DACH1: variants seen among roughly 807,000 people sequenced by gnomAD.
DACH1 encodes dachshund homolog 1.
DACH1 carries 12 observed loss-of-function variants against 54.2 expected under a neutral mutation model. That is an observed-to-expected ratio of 0.22 (90% CI 0.14 to 0.36). The LOEUF is 0.36. Among genes scored for constraint, DACH1 ranks in the 10% least tolerant of loss-of-function variants. The pLI is 1.00. For synonymous variants in DACH1, 386 were observed against 366.2 expected (o/e 1.05, Z -0.62); for missense variants, 805 against 929.8 (o/e 0.87, Z 1.75).
intron 1 of DACH1, among the ~76,000 whole-genome samples, chr13:71,723,491 T>C (rs1239517184): frequency 6.6e-6 from 1 of 152,124 alleles, no homozygotes; most frequent in Non-Finnish European, 1.5e-5. Flanking sequence ...TTTAAGATAT[T>C]TTATAACTTC....
intron 3 of DACH1, among the ~76,000 whole-genome samples, chr13:71,614,950 A>T (rs889449639): frequency 1.6e-4 from 25 of 152,070 alleles, no homozygotes; most frequent in African/African-American, 5.5e-4. Context: ...AAAAAAGATA[A>T]CTAAGTCTTC....
intron 1 of DACH1, among the ~76,000 whole-genome samples, chr13:71,704,939 T>G (rs1882359041): frequency 6.6e-6 from 1 of 152,088 alleles, no homozygotes. Context: ...CTAAAATCAT[T>G]TTGGAAGAAA....
chr13:71,477,833 T>G (rs890694351), intron 8 of DACH1, among the ~76,000 whole-genome samples: 1 of 152,224 alleles, frequency 6.6e-6, no homozygotes, highest in Non-Finnish European at 1.5e-5. Flanking sequence ...ACTGCTTCAA[T>G]AGGCACATTC....
chr13:71,788,163 C>T (rs907466468), intron 1 of DACH1, among the ~76,000 whole-genome samples: 5 of 152,058 alleles, frequency 3.3e-5, no homozygotes, highest in Admixed American at 6.6e-5. Context: ...CAATAAATGC[C>T]AGAATCAAAT....
intron 2 of DACH1, among the ~76,000 whole-genome samples, chr13:71,637,975 GT>G (rs1277969760): frequency 1.3e-5 from 2 of 152,028 alleles, no homozygotes; most frequent in Non-Finnish European, 2.9e-5. Flanking sequence ...ACTTCCAAAT[GT>G]TTGATATATT....
chr13:71,760,164 A>C (rs1035932945), intron 1 of DACH1, among the ~76,000 whole-genome samples: 7 of 152,184 alleles, frequency 4.6e-5, no homozygotes, highest in Non-Finnish European at 7.3e-5. Context: ...TGATTCTGAC[A>C]ACTGGAGTTC....
In DACH1 at chr13:71,814,330, C is replaced by T. The variant is rs546791419; in HGVS notation, c.848+51592G>A. On this transcript the variant is annotated intron_variant, in intron 1 of 10. Transcript: ENST00000613252. ...TAAATAAGTATAAATTGTTTACATC[C>T]ATTTACTTAGAATACTTTGTGAAAA... is the stretch of plus-strand genomic sequence containing the variant. Among the ~76,000 whole-genome samples, 13 of 152,268 alleles carry T rather than the reference C, an allele frequency of 8.5e-5. No homozygotes were observed. The South Asian group carries it at 2.7e-3, about 32-fold the overall frequency.
intron 6 of DACH1, among the ~76,000 whole-genome samples, chr13:71,507,438 T>C (rs1416504076): frequency 2.6e-5 from 4 of 152,188 alleles, no homozygotes; most frequent in Admixed American, 6.5e-5. Flanking sequence ...ATTTTTACAA[T>C]TGTTAAATTT....
chr13:71,607,680 C>T (rs891039290), intron 3 of DACH1, among the ~76,000 whole-genome samples: 1 of 151,968 alleles, frequency 6.6e-6, no homozygotes, highest in Non-Finnish European at 1.5e-5. Context: ...AAAGTGACTA[C>T]TAAGTTATGG....
intron 1 of DACH1, among the ~76,000 whole-genome samples, chr13:71,811,283 A>C (rs1233936040): frequency 6.6e-6 from 1 of 152,178 alleles, no homozygotes. Flanking sequence ...AAGCAAAATT[A>C]TCACAGTGTG....
intron 6 of DACH1, among the ~76,000 whole-genome samples, chr13:71,500,423 G>A (rs959554794): frequency 3.9e-5 from 6 of 152,108 alleles, no homozygotes; most frequent in African/African-American, 1.4e-4. Flanking sequence ...TCATTGCTAT[G>A]TGAATAAAAC....
At chr13:71,638,602 A>G (rs1033468607) in intron 2 of DACH1, among the ~76,000 whole-genome samples, 1 of 152,100 alleles carries the variant, frequency 6.6e-6, no homozygotes, top group Non-Finnish European at 1.5e-5. Context: ...GTGTATTTTT[A>G]ATTTATGAAA....
At position 71,447,801 on chromosome 13, in the gene DACH1, C is replaced by T. The variant is rs556979890; in HGVS notation, c.2084-7109G>A. ...TGAGCCAAGATTGCGCCACCACACTCCAGCCTGGAGAAAAAAAAAAAAAAA... is the reference window on the plus strand; with the variant it reads ...TGAGCCAAGATTGCGCCACCACACTTCAGCCTGGAGAAAAAAAAAAAAAAA... On this transcript the variant is annotated intron_variant, in intron 10 of 10. Coordinates refer to ENST00000613252, the MANE Select transcript of DACH1 (RefSeq NM_080759.6). Among the ~76,000 whole-genome samples the T allele has an allele frequency of 1.5e-4, 23 of 150,684 alleles. 2 individuals are homozygous for T. The South Asian group carries it at 4.6e-3, about 30-fold the overall frequency.
intron 1 of DACH1, among the ~76,000 whole-genome samples, chr13:71,752,154 A>G (rs1321714155): frequency 6.6e-6 from 1 of 152,172 alleles, no homozygotes; most frequent in East Asian, 1.9e-4. Context: ...AAACATACGG[A>G]TAACTCAATA....
chr13:71,693,921 G>C (rs1040768065), intron 1 of DACH1, among the ~76,000 whole-genome samples: 2 of 151,932 alleles, frequency 1.3e-5, no homozygotes, highest in African/African-American at 4.8e-5. Flanking sequence ...ATGGGTAAAG[G>C]GGATTACTGT....
chr13:71,704,307 G>A (rs1594116476), intron 1 of DACH1: 9 of 365,412 alleles, frequency 2.5e-5, no homozygotes, highest in Admixed American at 2.4e-4. Flanking sequence ...GACATCAAGA[G>A]AATGCGTACT....
intron 1 of DACH1, among the ~76,000 whole-genome samples, chr13:71,735,469 CG>C (rs1370258955): frequency 2.6e-4 from 3 of 11,722 alleles, no homozygotes; most frequent in Admixed American, 8.2e-4. Flanking sequence ...TACACGTATA[CG>C]GGATATACGT....
intron 6 of DACH1, among the ~76,000 whole-genome samples, chr13:71,535,184 T>C (rs1882684931): frequency 6.6e-6 from 1 of 151,886 alleles, no homozygotes; most frequent in African/African-American, 2.4e-5. Context: ...AACACTGTAT[T>C]ATACAATTTA....
chr13:71,643,757 C>T (rs912190328), intron 2 of DACH1, among the ~76,000 whole-genome samples: 3 of 151,762 alleles, frequency 2.0e-5, no homozygotes, highest in Admixed American at 6.6e-5. Context: ...TCAACTGTTA[C>T]GGACAATGAG....
Sources: allele counts gnomAD v4.1 joint callset (sites outside exome capture counted in the v4.1 genomes callset), GRCh38; gene constraint gnomAD v4.1.1; transcripts MANE v1.5; gene names NCBI Gene and HGNC (gene_info 2026-07-23, HGNC 2026-07-21).